The following CDH12 variants were observed in gnomAD, a reference collection of about 807,000 sequenced individuals.
CDH12 encodes the protein cadherin 12.
In CDH12, 41 loss-of-function variants were observed where a neutral mutation model predicts 74.1. The observed-to-expected ratio is 0.55, with a 90% CI of 0.43 to 0.72. CDH12 has a LOEUF of 0.72. CDH12 is among the 30% of genes least tolerant of loss of function. The pLI is 0.00. For synonymous variants in CDH12, 399 were observed against 355.0 expected, an observed-to-expected ratio of 1.12 and a Z score of -1.39; for missense variants, 945 against 977.2, an observed-to-expected ratio of 0.97 and a Z score of 0.44.
intron 3 of CDH12, among the ~76,000 whole-genome samples, chr5:22,237,935 A>G (rs4526073): frequency 0.013 from 2,040 of 152,314 alleles, 54 homozygotes; most frequent in African/African-American, 0.047. Context: ...TGTAGTGTAG[A>G]CACAGCTAAA....
At chr5:22,166,344 T>C (rs1374530596) in intron 4 of CDH12, among the ~76,000 whole-genome samples, 1 of 152,202 alleles carries the variant, frequency 6.6e-6, no homozygotes, top group Non-Finnish European at 1.5e-5. Context: ...CTGGGAATTA[T>C]ATAGCTGTTC....
intron 4 of CDH12, among the ~76,000 whole-genome samples, chr5:22,150,472 T>C (rs1334314866): frequency 6.6e-6 from 1 of 151,666 alleles, no homozygotes; most frequent in African/African-American, 2.4e-5. Flanking sequence ...TATATGTATA[T>C]ATAGAGAGAG....
chr5:22,350,476 T>G (rs954051234), intron 3 of CDH12, among the ~76,000 whole-genome samples: 1 of 152,202 alleles, frequency 6.6e-6, no homozygotes, highest in African/African-American at 2.4e-5. Context: ...TGTTACTCTT[T>G]TTTAATGTTT....
intron 5 of CDH12, among the ~76,000 whole-genome samples, chr5:22,010,811 C>A (rs1737250707): frequency 6.6e-6 from 1 of 152,120 alleles, no homozygotes; most frequent in Admixed American, 6.6e-5. Flanking sequence ...GTGCCTATCC[C>A]ACTCTGCCGG....
intron 4 of CDH12, among the ~76,000 whole-genome samples, chr5:22,186,112 G>C (rs1749928378): frequency 6.6e-6 from 1 of 152,180 alleles, no homozygotes; most frequent in South Asian, 2.1e-4. Context: ...CTGCAGTTAA[G>C]TGCCTGACAT....
At chr5:22,721,345 G>C (rs1743872942) in intron 1 of CDH12, among the ~76,000 whole-genome samples, 2 of 152,230 alleles carry the variant, frequency 1.3e-5, no homozygotes, top group Admixed American at 1.3e-4. Context: ...CTTTAAGATT[G>C]AATGACTGTC....
intron 8 of CDH12, among the ~76,000 whole-genome samples, chr5:21,829,145 A>C (rs1046712800): frequency 6.6e-6 from 1 of 152,186 alleles, no homozygotes; most frequent in Non-Finnish European, 1.5e-5. Context: ...AAATACAAAA[A>C]TTAATCAGGT....
intron 4 of CDH12, among the ~76,000 whole-genome samples, chr5:22,204,132 GA>G (rs1751074200): frequency 6.6e-6 from 1 of 150,528 alleles, no homozygotes; most frequent in Admixed American, 6.6e-5. Flanking sequence ...TAGAAACATA[GA>G]ATTCACGTGT....
chr5:22,530,102 G>A (rs774478989), intron 1 of CDH12, among the ~76,000 whole-genome samples: 5 of 152,100 alleles, frequency 3.3e-5, no homozygotes, highest in African/African-American at 7.2e-5. Flanking sequence ...TTAAGTTAAA[G>A]ATGCATGTCA....
chr5:22,802,270 C>T (rs1335934236), intron 1 of CDH12, among the ~76,000 whole-genome samples: 2 of 151,736 alleles, frequency 1.3e-5, no homozygotes, highest in African/African-American at 2.4e-5. Context: ...TACAGGCGCC[C>T]GCCACCACAC....
In CDH12 at chr5:22,078,867, G is replaced by T. The variant is rs561849575; in HGVS notation, c.-186-5C>A. On this transcript the variant is annotated splice_polypyrimidine_tract_variant and splice_region_variant and intron_variant, in intron 4 of 14. Transcript: ENST00000382254. Reference sequence around the variant, plus strand: ...TTATATTCCATCTAAAGGGGCCTATGAAATAGATGAACAAAGATACATTAA... The same window carrying T: ...TTATATTCCATCTAAAGGGGCCTATTAAATAGATGAACAAAGATACATTAA... 5.4e-5 allele frequency: 71 copies of T among 1,323,094 alleles called. No individual in the cohort carries two copies. The Middle Eastern group carries it at 8.5e-4, about 16-fold the overall frequency. The allele number at this position is 1,323,094 out of a possible 1,614,324, so 82.0% of individuals were successfully genotyped here. A position where few individuals can be genotyped will look rare whatever the true frequency, so the allele number is the denominator to read the frequency against.
intron 3 of CDH12, among the ~76,000 whole-genome samples, chr5:22,222,848 T>C (rs952347183): frequency 6.6e-6 from 1 of 152,008 alleles, no homozygotes; most frequent in Non-Finnish European, 1.5e-5. Flanking sequence ...GAGTTAGTAA[T>C]AATTTAAATG....
At chr5:22,653,926 T>C (rs1031783106) in intron 1 of CDH12, among the ~76,000 whole-genome samples, 1 of 152,234 alleles carries the variant, frequency 6.6e-6, no homozygotes, top group Admixed American at 6.5e-5. Flanking sequence ...AATACATACA[T>C]ACATAAAATC....
intron 1 of CDH12, among the ~76,000 whole-genome samples, chr5:22,772,697 G>T (rs1315378841): frequency 6.6e-6 from 1 of 151,966 alleles, no homozygotes; most frequent in Non-Finnish European, 1.5e-5. Flanking sequence ...TTTTACGCAA[G>T]GTATGCAGAA....
intron 6 of CDH12, among the ~76,000 whole-genome samples, chr5:21,935,399 A>T (rs1425107729): frequency 1.3e-5 from 2 of 152,196 alleles, no homozygotes; most frequent in African/African-American, 4.8e-5. Flanking sequence ...GGAAGAAATG[A>T]TTCTTGTCTA....
At chr5:22,581,911 G>A (rs1740122215) in intron 1 of CDH12, among the ~76,000 whole-genome samples, 1 of 152,128 alleles carries the variant, frequency 6.6e-6, no homozygotes, top group South Asian at 2.1e-4. Context: ...ATAGGGGTAA[G>A]GGAAGAGTTC....
chr5:22,376,658 A>G (rs1009622340), intron 3 of CDH12, among the ~76,000 whole-genome samples: 1 of 149,280 alleles, frequency 6.7e-6, no homozygotes, highest in African/African-American at 2.5e-5. Context: ...CTGGGACTAC[A>G]GGCATGTGCC....
chr5:22,122,228 C>G (rs6864232), intron 4 of CDH12, among the ~76,000 whole-genome samples: 2 of 152,018 alleles, frequency 1.3e-5, no homozygotes, highest in Admixed American at 1.3e-4. Flanking sequence ...CATGGTGAAA[C>G]CCCGTCTCTA....
At chr5:22,092,822 A>G (rs1342633531) in intron 4 of CDH12, among the ~76,000 whole-genome samples, 1 of 152,198 alleles carries the variant, frequency 6.6e-6, no homozygotes, top group Non-Finnish European at 1.5e-5. Flanking sequence ...AGCATTATTA[A>G]TCATAGCCGA....
Sources: gnomAD v4.1 joint callset for allele counts (sites outside exome capture counted in the v4.1 genomes callset) on GRCh38, gnomAD v4.1.1 for gene constraint, MANE v1.5 for transcripts, NCBI Gene and HGNC (gene_info 2026-07-23, HGNC 2026-07-21) for gene names.